KCNQ5: variants seen among roughly 807,000 people sequenced by gnomAD.
The protein encoded by KCNQ5 is potassium voltage-gated channel subfamily Q member 5.
A neutral mutation model predicts 98.2 loss-of-function variants in KCNQ5; 30 were observed. The observed-to-expected ratio is 0.31, with a 90% CI of 0.23 to 0.41. The LOEUF (loss-of-function observed/expected upper bound fraction) is 0.41. Ranked by LOEUF, KCNQ5 falls within the 10% of genes least tolerant of loss-of-function variation. KCNQ5 has a pLI of 1.00. For missense variants in KCNQ5, 835 were observed against 1,182.5 expected, an observed-to-expected ratio of 0.71 and a Z score of 4.31; for synonymous variants, 458 against 449.4, an observed-to-expected ratio of 1.02 and a Z score of -0.24.
intron 1 of KCNQ5, among the ~76,000 whole-genome samples, chr6:72,663,811 A>C (rs1766647184): frequency 6.6e-6 from 1 of 152,206 alleles, no homozygotes; most frequent in African/African-American, 2.4e-5. Flanking sequence ...TCTTTAAAAA[A>C]AAAAGTACTT....
At chr6:72,777,596 G>A (rs559749424) in intron 1 of KCNQ5, among the ~76,000 whole-genome samples, 4 of 152,274 alleles carry the variant, frequency 2.6e-5, no homozygotes, top group South Asian at 2.1e-4. Flanking sequence ...AACAGTTTTC[G>A]ATAAGCATTT....
intron 1 of KCNQ5, among the ~76,000 whole-genome samples, chr6:72,882,734 T>C (rs796743632): frequency 6.6e-6 from 1 of 152,176 alleles, no homozygotes; most frequent in African/African-American, 2.4e-5. Flanking sequence ...GACATATTGC[T>C]TTTATTTTCT....
intron 1 of KCNQ5, among the ~76,000 whole-genome samples, chr6:72,904,760 T>C (rs1265589852): frequency 3.9e-5 from 6 of 152,230 alleles, no homozygotes; most frequent in Admixed American, 3.9e-4. Context: ...TTTTCCTTTA[T>C]AGGTTACCTG....
chr6:73,110,484 C>A (rs1180841361), intron 6 of KCNQ5, among the ~76,000 whole-genome samples: 1 of 152,042 alleles, frequency 6.6e-6, no homozygotes, highest in Non-Finnish European at 1.5e-5. Flanking sequence ...AGCAAACTGG[C>A]CCAAAACTAA....
intron 3 of KCNQ5, among the ~76,000 whole-genome samples, chr6:73,070,170 T>A (rs1773239817): frequency 6.6e-6 from 1 of 152,176 alleles, no homozygotes; most frequent in South Asian, 2.1e-4. Flanking sequence ...GAAATTCACT[T>A]GGTAAAAATA....
At chr6:73,137,736 C>T (rs942069014) in intron 10 of KCNQ5, among the ~76,000 whole-genome samples, 2 of 152,150 alleles carry the variant, frequency 1.3e-5, no homozygotes, top group Admixed American at 6.5e-5. Context: ...ATCTAAGTAA[C>T]TTGCCCAAGG....
At chr6:72,811,452 A>T (rs1015642599) in intron 1 of KCNQ5, among the ~76,000 whole-genome samples, 1 of 152,124 alleles carries the variant, frequency 6.6e-6, no homozygotes, top group Non-Finnish European at 1.5e-5. Flanking sequence ...AATTTATTAT[A>T]ATTATTTTTC....
chr6:73,072,365 G>T (rs1324333567), intron 3 of KCNQ5, among the ~76,000 whole-genome samples: 1 of 152,106 alleles, frequency 6.6e-6, no homozygotes, highest in African/African-American at 2.4e-5. Context: ...TTTACATTGA[G>T]CCATGTTATA....
rs1176771209 is a variant in KCNQ5 at position 73,137,301 on chromosome 6, A to G, written c.1468+3660A>G. ...TTAAAAAGGACGCAGTTGTCTCTCAATATTCCATACTTGTGTGTACCAGAA... is the reference window on the plus strand; with the variant it reads ...TTAAAAAGGACGCAGTTGTCTCTCAGTATTCCATACTTGTGTGTACCAGAA... On this transcript the variant is annotated intron_variant, in intron 10 of 13. Coordinates refer to ENST00000370398, the MANE Select transcript of KCNQ5 (RefSeq NM_019842.4). 2.0e-5 allele frequency among the ~76,000 whole-genome samples: 3 copies of G among 152,326 alleles called. No homozygotes were observed. The South Asian group carries it at 6.2e-4, about 32-fold the overall frequency.
intron 1 of KCNQ5, among the ~76,000 whole-genome samples, chr6:72,710,641 A>G (rs1287010529): frequency 1.3e-5 from 2 of 152,210 alleles, no homozygotes; most frequent in East Asian, 1.9e-4. Context: ...AAGAAAATGT[A>G]GCAATTGTAA....
intron 7 of KCNQ5, 137 bp downstream of exon 7, chr6:73,111,540 G>A (rs772482527): frequency 1.5e-6 from 1 of 660,440 alleles, no homozygotes; most frequent in Non-Finnish European, 2.6e-6. Flanking sequence ...AGAACTTAAT[G>A]TACAGTCTTG....
chr6:73,147,119 G>A (rs1300929872), intron 10 of KCNQ5, among the ~76,000 whole-genome samples: 1 of 152,002 alleles, frequency 6.6e-6, no homozygotes, highest in Admixed American at 6.6e-5. Flanking sequence ...TGAGACAAAC[G>A]ACTTAACCTC....
At chr6:73,011,278 A>G (rs1582186819) in intron 2 of KCNQ5, among the ~76,000 whole-genome samples, 1 of 152,226 alleles carries the variant, frequency 6.6e-6, no homozygotes, top group East Asian at 1.9e-4. Context: ...TTTATGTTAT[A>G]TATAGGCATA....
At chr6:73,007,800 A>G (rs1431680936) in intron 2 of KCNQ5, among the ~76,000 whole-genome samples, 1 of 152,218 alleles carries the variant, frequency 6.6e-6, no homozygotes, top group Non-Finnish European at 1.5e-5. Flanking sequence ...AAAATGTGGC[A>G]GCCATTGCTG....
At chr6:72,700,291 A>ATATCTATATCTATC (rs1554689991) in intron 1 of KCNQ5, among the ~76,000 whole-genome samples, 1 of 149,064 alleles carries the variant, frequency 6.7e-6, no homozygotes, top group South Asian at 2.2e-4. Context: ...CTATATATCT[A>ATATCTATATCTATC]TATCTATCTA....
At chr6:72,753,158 A>G (rs1190773097) in intron 1 of KCNQ5, among the ~76,000 whole-genome samples, 2 of 152,030 alleles carry the variant, frequency 1.3e-5, no homozygotes, top group Non-Finnish European at 2.9e-5. Flanking sequence ...TTCTGGCTCT[A>G]TAGTTTGGCC....
intron 3 of KCNQ5, among the ~76,000 whole-genome samples, chr6:73,059,434 G>A (rs1237172280): frequency 6.6e-6 from 1 of 151,992 alleles, no homozygotes; most frequent in Non-Finnish European, 1.5e-5. Context: ...GGAGGAGGGA[G>A]AGCATAAAAA....
chr6:72,900,836 G>A (rs1779472334), intron 1 of KCNQ5, among the ~76,000 whole-genome samples: 1 of 151,718 alleles, frequency 6.6e-6, no homozygotes, highest in Admixed American at 6.6e-5. Flanking sequence ...ATTTTTTTAT[G>A]GCCATTCTTG....
chr6:72,817,748 G>A (rs1469740465), intron 1 of KCNQ5, among the ~76,000 whole-genome samples: 2 of 152,064 alleles, frequency 1.3e-5, no homozygotes, highest in East Asian at 3.9e-4. Context: ...ACCAAAATTA[G>A]GTGGGCGTGG....
Sources: allele counts gnomAD v4.1 joint callset (sites outside exome capture counted in the v4.1 genomes callset), GRCh38; gene constraint gnomAD v4.1.1; transcripts MANE v1.5; gene names NCBI Gene and HGNC (gene_info 2026-07-23, HGNC 2026-07-21).